The following LLGL2 variants were observed in gnomAD, a reference collection of about 807,000 sequenced individuals.
LLGL2 encodes the protein LLGL scribble cell polarity complex component 2.
In LLGL2, 81 loss-of-function variants were observed where a neutral mutation model predicts 123.2. The observed-to-expected ratio is 0.66, with a 90% CI of 0.55 to 0.79. The LOEUF is 0.79. Among genes scored for constraint, LLGL2 ranks in the 30% least tolerant of loss-of-function variants. LLGL2 has a pLI of 0.00. For synonymous variants in LLGL2, 577 were observed against 594.1 expected (o/e 0.97, Z 0.42); for missense variants, 1,273 against 1,414.6 (o/e 0.90, Z 1.61).
chr17:75,573,063 C>T lies in LLGL2; in HGVS notation c.2510C>T (p.Ala837Val), dbSNP rs1282229640. Residue 837 changes from alanine (A) to valine (V), a missense_variant, in exon 20 of 26, where the codon GCC becomes GTC. Transcript: ENST00000392550. ...GCCAAGCTGAAGTTGAAGCTGACGG[C>T]CCTGGAGGGCTCAAGAGTGCGGCGG... The part of the protein sequence containing the change: ...VSAKLKLKLT[A>V]LEGSRVRRVS... 1.2e-6 allele frequency: 2 copies of T among 1,613,072 alleles called. No homozygotes were observed. The highest frequency in any genetic ancestry group is 1.7e-5 in the Admixed American group (1 of 59,990).
In LLGL2 at chr17:75,571,753, A is replaced by C. The variant is rs751960334; in HGVS notation, c.2263A>C (p.Arg755=). Residue 755 remains arginine, a synonymous_variant, in exon 18 of 26, where the codon AGA becomes CGA. Transcript: ENST00000392550. Reference sequence around the variant, plus strand: ...CCTGCGTGTGCCTCCCGCCGAGCGGAGAATGGATGAGCCTGTGCGGGCAGA... The same window carrying C: ...CCTGCGTGTGCCTCCCGCCGAGCGGCGAATGGATGAGCCTGTGCGGGCAGA... ...FSLRVPPAER[R]MDEPVRAEQA... 24 of 1,608,744 alleles carry C rather than the reference A, an allele frequency of 1.5e-5. No homozygotes were observed. The highest frequency in any genetic ancestry group is 2.0e-5 in the Non-Finnish European group (24 of 1,179,882).
intron 1 of LLGL2, among the ~76,000 whole-genome samples, chr17:75,541,201 C>T (rs2054191511): frequency 6.6e-6 from 1 of 152,226 alleles, no homozygotes; most frequent in Non-Finnish European, 1.5e-5. Context: ...GAGTCTTTGG[C>T]ACGGATGGCC....
chr17:75,571,945 G>A lies in LLGL2; in HGVS notation c.2341G>A (p.Val781Met), dbSNP rs1390327076. 3 of 1,612,660 alleles carry A rather than the reference G, an allele frequency of 1.9e-6. No homozygotes were observed. In the Admixed American group the frequency reaches 5.0e-5, roughly 27 times the overall value. The part of the protein sequence containing the change: ...MHRAPVVGIL[V>M]LDGHSVPLPE... The stretch of plus-strand genomic sequence containing the variant: ...CCGGGCGCCGGTGGTGGGCATCCTG[G>A]TGCTCGACGGACACAGCGTACCCCT... Residue 781 changes from valine to methionine, a missense_variant, in exon 19 of 26, where the codon GTG becomes ATG. Val to Met is a conservative substitution (Grantham distance 21). Transcript: ENST00000392550.
At chr17:75,563,972 C>T (rs758667447) in intron 9 of LLGL2, among the ~76,000 whole-genome samples, 166 bp downstream of exon 9, 1 of 152,232 alleles carries the variant, frequency 6.6e-6, no homozygotes, top group South Asian at 2.1e-4. Context: ...ATTCACGTCT[C>T]TCAGCGGCCC....
At position 75,573,512 on chromosome 17, in the gene LLGL2, G is replaced by A. The variant is rs1421006792; in HGVS notation, c.2757G>A (p.Glu919=). The A allele has an allele frequency of 1.2e-6, 2 of 1,612,604 alleles. No homozygotes were observed. Among genetic ancestry groups the A allele is most frequent in the African/African-American group, 2.7e-5 (2 of 75,030 alleles). The change falls in exon 21 of 26, where the codon GAG becomes GAA. Residue 919 remains glutamate, a synonymous_variant. Coordinates refer to ENST00000392550, the MANE Select transcript of LLGL2 (RefSeq NM_001031803.2). ...ACCTGATCTCACCCTCGGAGTTTGA[G>A]CGCTTCTCTCTCTCCACCAAGTGGC... ...GFYLISPSEF[E]RFSLSTKWLV...
At chr17:75,569,710 A>G (rs547381275) in intron 14 of LLGL2, among the ~76,000 whole-genome samples, 1 of 152,054 alleles carries the variant, frequency 6.6e-6, no homozygotes, top group South Asian at 2.1e-4. Context: ...GGCCGAGACA[A>G]GAGAATCACT....
At position 75,549,728 on chromosome 17, in the gene LLGL2, C is replaced by T. The variant is rs1367391694; in HGVS notation, c.75+6227C>T. ...GCCTGGTGCCCACCACTGCCTCCTT[C>T]CCACCCCCTGAGGAGTGCCAGGGAC... is the stretch of plus-strand genomic sequence containing the variant. On this transcript the variant is annotated intron_variant, in intron 2 of 25. Coordinates refer to ENST00000392550, the MANE Select transcript of LLGL2 (RefSeq NM_001031803.2). This position sits in a 1 kb window ranked among gnomAD's most constrained non-coding sequence, Gnocchi z 4.0. Among the ~76,000 whole-genome samples, 9 of 152,200 alleles carry T rather than the reference C, an allele frequency of 5.9e-5. No homozygotes were observed. Among genetic ancestry groups the T allele is most frequent in the Admixed American group, 4.6e-4 (7 of 15,286 alleles).
intron 16 of LLGL2, 28 bp downstream of exon 16, chr17:75,570,526 G>T (rs1409407955): frequency 2.6e-6 from 4 of 1,551,172 alleles, no homozygotes; most frequent in Non-Finnish European, 3.5e-6. Context: ...GCTGCGGCCG[G>T]CCACGCACCC....
chr17:75,557,673 G>T, intron 3 of LLGL2: 1 of 300,476 alleles, frequency 3.3e-6, no homozygotes, highest in South Asian at 2.9e-5. Context: ...AGGGGGCCAG[G>T]GCCTTGCTGC....
At chr17:75,532,312 G>A (rs1237217672) in intron 1 of LLGL2, among the ~76,000 whole-genome samples, 3 of 151,960 alleles carry the variant, frequency 2.0e-5, no homozygotes, top group Non-Finnish European at 2.9e-5. Flanking sequence ...GTACAGTGGC[G>A]CGATCTCAGC....
At chr17:75,554,342 T>C (rs1218665163) in intron 2 of LLGL2, among the ~76,000 whole-genome samples, 1 of 150,354 alleles carries the variant, frequency 6.7e-6, no homozygotes, top group Non-Finnish European at 1.5e-5. Flanking sequence ...CAGCTTGCAG[T>C]GACTCACGCC....
At chr17:75,567,302 AAAAAT>A (rs1473978765) in intron 10 of LLGL2, among the ~76,000 whole-genome samples, 2 of 152,128 alleles carry the variant, frequency 1.3e-5, no homozygotes, top group Non-Finnish European at 2.9e-5. Context: ...TGTCTCTACT[AAAAAT>A]AAAAAATTAG....
At chr17:75,543,686 T>C (rs1388886658) in intron 2 of LLGL2, among the ~76,000 whole-genome samples, 185 bp downstream of exon 2, 1 of 152,154 alleles carries the variant, frequency 6.6e-6, no homozygotes, top group Non-Finnish European at 1.5e-5. Flanking sequence ...GGGAATAGGT[T>C]GCCCTCATGA....
At chr17:75,554,425 AACATG>A (rs1284723386) in intron 2 of LLGL2, among the ~76,000 whole-genome samples, 2 of 151,912 alleles carry the variant, frequency 1.3e-5, no homozygotes, top group African/African-American at 4.8e-5. Context: ...CAGGCTGGAC[AACATG>A]ACGAGTACCT....
rs956276004 is a variant in LLGL2 at position 75,543,889 on chromosome 17, T to C, written c.75+388T>C. ...ATGAACTCTTCAGGGGGTGATAATGTTCCAGGTCCCTTGGGGCCCTGGAGT... is the reference window on the plus strand; with the variant it reads ...ATGAACTCTTCAGGGGGTGATAATGCTCCAGGTCCCTTGGGGCCCTGGAGT... On this transcript the variant is annotated intron_variant, in intron 2 of 25. Transcript: ENST00000392550. 2.0e-5 allele frequency among the ~76,000 whole-genome samples: 3 copies of C among 152,144 alleles called. No individual in the cohort carries two copies. In the East Asian group the frequency reaches 5.8e-4, roughly 29 times the overall value.
chr17:75,543,565 T>C lies in LLGL2; in HGVS notation c.75+64T>C, dbSNP rs1164256780. On this transcript the variant is annotated intron_variant, in intron 2 of 25. Transcript: ENST00000392550. ...TCGGCCAAGCAGCTCAGGCTGGGGCTGAGGCACCTCTTACCTGGATTAAGG... is the reference window on the plus strand; with the variant it reads ...TCGGCCAAGCAGCTCAGGCTGGGGCCGAGGCACCTCTTACCTGGATTAAGG... 9.7e-6 allele frequency: 13 copies of C among 1,346,996 alleles called. No individual in the cohort carries two copies. In the East Asian group the frequency reaches 1.9e-4, roughly 20 times the overall value. 83.4% of individuals were successfully genotyped at this position (1,346,996 alleles called of 1,614,324 possible). A position where few individuals can be genotyped will look rare whatever the true frequency, so the allele number is the denominator to read the frequency against.
chr17:75,573,328 C>T (rs764054651), intron 20 of LLGL2, 50 bp downstream of exon 20: 193 of 1,565,280 alleles, frequency 1.2e-4, no homozygotes, highest in Non-Finnish European at 1.6e-4. Context: ...ACTGCACGGA[C>T]GGGAAGGGTG....
At chr17:75,572,820 G>A (rs1220182244) in intron 19 of LLGL2, among the ~76,000 whole-genome samples, 194 bp from the exon 20 acceptor site, 1 of 149,658 alleles carries the variant, frequency 6.7e-6, no homozygotes, top group Non-Finnish European at 1.5e-5. Flanking sequence ...ACTCCATCTC[G>A]GAGGAAAAAA....
In LLGL2 at chr17:75,558,246, C is replaced by G; in HGVS notation, c.255+10C>G. ...CCTCCTGCCCGGCCAGGTGAGGGAC[C>G]TGGGGTGGGACAGGAAGCCACTTCC... On this transcript the variant is annotated intron_variant, in intron 4 of 25. Transcript: ENST00000392550. This position sits in a 1 kb window ranked among gnomAD's most constrained non-coding sequence, Gnocchi z 4.0. 6.2e-7 allele frequency: 1 copy of G among 1,609,288 alleles called. No homozygotes were observed. The highest frequency in any genetic ancestry group is 8.5e-7 in the Non-Finnish European group (1 of 1,177,576).
Sources: allele counts gnomAD v4.1 joint callset (sites outside exome capture counted in the v4.1 genomes callset), GRCh38; gene constraint gnomAD v4.1.1; non-coding constraint Gnocchi (gnomAD v3.1); transcripts MANE v1.5; gene names NCBI Gene and HGNC (gene_info 2026-07-23, HGNC 2026-07-21).